Variants in PXDNL observed in about 807,000 individuals in gnomAD.
PXDNL encodes the protein peroxidasin like.
Under a neutral mutation model 150.8 loss-of-function variants are expected in PXDNL, and 145 were observed. The ratio of observed to expected loss-of-function variants is 0.96; its 90% CI spans 0.84 to 1.10. The LOEUF (loss-of-function observed/expected upper bound fraction) is 1.10. Among genes scored for constraint, PXDNL ranks in the 50% least tolerant of loss-of-function variants. The probability of loss-of-function intolerance (pLI) is 0.00; values close to 1 mark genes in which losing one functional copy is unlikely to be tolerated. For missense variants in PXDNL, 2,087 were observed against 1,873.9 expected, an observed-to-expected ratio of 1.11 and a Z score of -2.10; for synonymous variants, 757 against 725.7, an observed-to-expected ratio of 1.04 and a Z score of -0.69.
At chr8:51,790,765 G>C (rs1409394187) in intron 1 of PXDNL, among the ~76,000 whole-genome samples, 4 of 31,870 alleles carry the variant, frequency 1.3e-4, no homozygotes, top group African/African-American at 1.5e-4. Context: ...CTACAGCGTT[G>C]AGGAGGGCTG....
chr8:51,757,664 T>C (rs1210121665), intron 1 of PXDNL, among the ~76,000 whole-genome samples: 1 of 152,366 alleles, frequency 6.6e-6, no homozygotes, highest in African/African-American at 2.4e-5. Context: ...AATTGGCTTG[T>C]TTTTATTACT....
At chr8:51,658,383 G>GAA (rs11387006) in intron 1 of PXDNL, among the ~76,000 whole-genome samples, 4 of 143,466 alleles carry the variant, frequency 2.8e-5, no homozygotes, top group South Asian at 2.2e-4. Flanking sequence ...GAAAAAAAAA[G>GAA]AAAAAAAAGT....
chr8:51,371,381 T>C (rs1001049329), intron 19 of PXDNL, among the ~76,000 whole-genome samples: 2 of 152,230 alleles, frequency 1.3e-5, no homozygotes, highest in South Asian at 4.1e-4. Context: ...GGTGATGTTG[T>C]AGATATCACC....
chr8:51,478,820 T>C (rs1450419024), intron 6 of PXDNL, among the ~76,000 whole-genome samples: 1 of 152,174 alleles, frequency 6.6e-6, no homozygotes, highest in Non-Finnish European at 1.5e-5. Context: ...AGGACAGGAG[T>C]TGAGGATTTG....
intron 4 of PXDNL, among the ~76,000 whole-genome samples, chr8:51,551,075 CAACA>C (rs549871605): frequency 2.7e-5 from 4 of 147,062 alleles, no homozygotes; most frequent in African/African-American, 5.2e-5. Context: ...AGCTGAAAAA[CAACA>C]AACAAACAAA....
intron 1 of PXDNL, among the ~76,000 whole-genome samples, chr8:51,727,656 A>G (rs1478080202): frequency 2.0e-5 from 3 of 151,990 alleles, no homozygotes; most frequent in African/African-American, 4.8e-5. Flanking sequence ...TAAAAAAAGG[A>G]AAAAAAAGGA....
chr8:51,481,154 C>T (rs922413706), intron 6 of PXDNL, among the ~76,000 whole-genome samples: 4 of 152,106 alleles, frequency 2.6e-5, no homozygotes, highest in African/African-American at 7.2e-5. Context: ...TTGGAACCTC[C>T]GAGAGACTTG....
At chr8:51,370,638 C>A (rs1401653266) in intron 19 of PXDNL, among the ~76,000 whole-genome samples, 2 of 152,168 alleles carry the variant, frequency 1.3e-5, no homozygotes, top group African/African-American at 2.4e-5. Context: ...GCTCTGTCAC[C>A]CAGGCTGGAG....
chr8:51,530,601 C>A (rs1322994948), intron 4 of PXDNL, among the ~76,000 whole-genome samples: 1 of 152,190 alleles, frequency 6.6e-6, no homozygotes, highest in Non-Finnish European at 1.5e-5. Context: ...CCACTCACCC[C>A]AGTACAGCAC....
chr8:51,757,648 A>G (rs2037116609), intron 1 of PXDNL, among the ~76,000 whole-genome samples: 1 of 152,240 alleles, frequency 6.6e-6, no homozygotes, highest in Admixed American at 6.5e-5. Flanking sequence ...ATCATCTGCA[A>G]TGTCCAATTG....
chr8:51,433,917 AATT>A (rs1053448940), intron 12 of PXDNL, among the ~76,000 whole-genome samples: 5 of 152,126 alleles, frequency 3.3e-5, no homozygotes, highest in Non-Finnish European at 7.4e-5. Flanking sequence ...TAATGATTAC[AATT>A]ATTATTATTG....
chr8:51,467,758 C>A (rs1477420890), intron 8 of PXDNL, among the ~76,000 whole-genome samples: 1 of 152,038 alleles, frequency 6.6e-6, no homozygotes, highest in Non-Finnish European at 1.5e-5. Context: ...CATTATTATG[C>A]AATCTTTTTC....
chr8:51,401,161 A>T (rs1465000786), intron 17 of PXDNL, among the ~76,000 whole-genome samples: 1 of 152,226 alleles, frequency 6.6e-6, no homozygotes, highest in Non-Finnish European at 1.5e-5. Flanking sequence ...CTGTGCAATG[A>T]AAATGACCAG....
At chr8:51,490,973 G>A (rs572677222) in intron 5 of PXDNL, among the ~76,000 whole-genome samples, 1 of 152,266 alleles carries the variant, frequency 6.6e-6, no homozygotes, top group African/African-American at 2.4e-5. Context: ...ATTTGAGTCA[G>A]TGAACTGGGA....
At chr8:51,494,552 A>G (rs1419031162) in intron 5 of PXDNL, among the ~76,000 whole-genome samples, 2 of 152,180 alleles carry the variant, frequency 1.3e-5, no homozygotes, top group East Asian at 1.9e-4. Context: ...GTGCAGAGAC[A>G]CACATAGGCT....
intron 17 of PXDNL, among the ~76,000 whole-genome samples, chr8:51,383,188 C>T (rs1807600296): frequency 6.6e-6 from 1 of 152,092 alleles, no homozygotes; most frequent in Non-Finnish European, 1.5e-5. Context: ...AATGTCAATT[C>T]TATTTTTTTT....
chr8:51,549,761 C>T (rs151170332), intron 4 of PXDNL, among the ~76,000 whole-genome samples: 63 of 152,112 alleles, frequency 4.1e-4, no homozygotes, highest in African/African-American at 1.5e-3. Context: ...TCTAGGCTCA[C>T]ATCTCAAGGA....
At chr8:51,565,942 G>GT (rs981523439) in intron 3 of PXDNL, among the ~76,000 whole-genome samples, 7 of 151,456 alleles carry the variant, frequency 4.6e-5, no homozygotes, top group South Asian at 2.1e-4. Flanking sequence ...AGCCATAGGG[G>GT]TTTTTTTTGG....
intron 1 of PXDNL, among the ~76,000 whole-genome samples, chr8:51,796,233 C>T (rs1276072548): frequency 6.6e-6 from 1 of 151,010 alleles, no homozygotes; most frequent in African/African-American, 2.4e-5. Flanking sequence ...AGAAAACAAA[C>T]TCCAAAGCTA....
Sources: allele counts gnomAD v4.1 joint callset (sites outside exome capture counted in the v4.1 genomes callset), GRCh38; gene constraint gnomAD v4.1.1; transcripts MANE v1.5; gene names NCBI Gene and HGNC (gene_info 2026-07-23, HGNC 2026-07-21).